The following MROH2A variants were observed in gnomAD, a reference collection of about 807,000 sequenced individuals.
MROH2A encodes the protein maestro heat like repeat family member 2A, also known as maestro heat-like repeat-containing protein family member 2A.
Under a neutral mutation model 200.4 loss-of-function variants are expected in MROH2A, and 174 were observed. The ratio of observed to expected loss-of-function variants is 0.87; its 90% CI spans 0.77 to 0.98. The LOEUF (loss-of-function observed/expected upper bound fraction) is 0.98. MROH2A is among the 50% of genes least tolerant of loss of function. The probability of loss-of-function intolerance (pLI) is 0.00; values close to 1 mark genes in which losing one functional copy is unlikely to be tolerated. For missense variants in MROH2A, 2,045 were observed against 2,139.6 expected (o/e 0.96, Z 0.87); for synonymous variants, 829 against 840.4 (o/e 0.99, Z 0.23).
upstream of MROH2A, among the ~76,000 whole-genome samples, chr2:233,778,158 C>G (rs1003760829): frequency 4.6e-5 from 7 of 152,298 alleles, 1 homozygote; most frequent in South Asian, 1.5e-3. Context: ...ATGTGAATAA[C>G]AGAAATGTTG....
intron 7 of MROH2A, 97 bp downstream of exon 7, chr2:233,793,921 C>A: frequency 3.3e-6 from 4 of 1,216,338 alleles, no homozygotes; most frequent in Non-Finnish European, 4.3e-6. Context: ...CGGGTCCACA[C>A]TTACTCCCAG....
At chr2:233,808,421 G>A (rs1366765757) in intron 21 of MROH2A, among the ~76,000 whole-genome samples, 1 of 152,196 alleles carries the variant, frequency 6.6e-6, no homozygotes, top group African/African-American at 2.4e-5. Context: ...ACAGGAGATG[G>A]TCCCACCAGC....
intron 26 of MROH2A, 42 bp downstream of exon 26, chr2:233,814,719 C>A: frequency 7.2e-7 from 1 of 1,396,000 alleles, no homozygotes; most frequent in Non-Finnish European, 9.9e-7. Flanking sequence ...GATGGCCACT[C>A]CTCCCCAGAA....
intron 37 of MROH2A, 99 bp downstream of exon 37, chr2:233,829,171 G>A (rs187131211): frequency 1.7e-6 from 2 of 1,170,244 alleles, no homozygotes; most frequent in East Asian, 2.6e-5. Context: ...AAGAGCCGAG[G>A]CTCCTGCTGG....
chr2:233,823,605 G>T lies in MROH2A; in HGVS notation c.4054G>T (p.Val1352Leu). Residue 1352 changes from valine (V) to leucine (L), a missense_variant, in exon 35 of 42, where the codon GTG becomes TTG. This residue lies in a region of MROH2A where 1,201 missense variants were observed against 1,311.3 expected (regional missense o/e 0.92). Coordinates refer to ENST00000389758, the MANE Select transcript of MROH2A (RefSeq NM_001394639.1). ...CCACAGGCAGAGGCTGGCCGAGCTG[G>T]TGCTCAGGGGCATGGACTCAGAAGT... The part of the protein sequence containing the change: ...EGHRQRLAEL[V>L]LRGMDSEVLS... 1 of 1,550,428 alleles carries T rather than the reference G, an allele frequency of 6.4e-7. No homozygotes were observed. Among genetic ancestry groups the T allele is most frequent in the Non-Finnish European group, 8.7e-7 (1 of 1,146,978 alleles).
chr2:233,803,909 C>A, intron 16 of MROH2A, 142 bp from the exon 17 acceptor site: 1 of 1,108,174 alleles, frequency 9.0e-7, no homozygotes, highest in Non-Finnish European at 1.3e-6. Flanking sequence ...GTGTCCTCTG[C>A]AGGTGCACTC....
chr2:233,821,568 C>A (rs1157525715), intron 31 of MROH2A, among the ~76,000 whole-genome samples: 1 of 152,224 alleles, frequency 6.6e-6, no homozygotes, highest in Admixed American at 6.5e-5. Flanking sequence ...GCTCTCTGTG[C>A]CTCTGTACCT....
chr2:233,804,660 G>A, intron 18 of MROH2A, 113 bp downstream of exon 18: 1 of 923,062 alleles, frequency 1.1e-6, no homozygotes, highest in Non-Finnish European at 1.7e-6. Context: ...TAAAGGACAT[G>A]TTCTCCTTCT....
At chr2:233,804,226 C>A (rs1702652841) in intron 17 of MROH2A, 34 bp downstream of exon 17, 1 of 1,548,866 alleles carries the variant, frequency 6.5e-7, no homozygotes, top group African/African-American at 1.4e-5. Context: ...CCAAGCCAAC[C>A]CTCCAATCCG....
At chr2:233,819,781 C>A in intron 30 of MROH2A, 121 bp from the exon 31 acceptor site, 2 of 1,133,764 alleles carry the variant, frequency 1.8e-6, no homozygotes, top group Admixed American at 3.0e-5. Context: ...GGGTGCTGGG[C>A]GCTTAACCTC....
In MROH2A at chr2:233,810,796, C is replaced by A. The variant is rs778385010; in HGVS notation, c.2451C>A (p.Asp817Glu). The change falls in exon 23 of 42, where the codon GAC becomes GAA. Residue 817 changes from aspartate to glutamate, a missense_variant and splice_region_variant. Physicochemically the swap from Asp to Glu is conservative, Grantham distance 45. Transcript: ENST00000389758. Reference protein sequence around the residue: ...IIHHYVSSCQDICLKMAFMKS... With the variant: ...IIHHYVSSCQEICLKMAFMKS... ...TCCTTTTCCCCTTCTGGGCTCAGGA[C>A]ATCTGTCTCAAAATGGCCTTCATGA... 6.5e-6 allele frequency: 10 copies of A among 1,550,144 alleles called. No homozygotes were observed. The South Asian group carries it at 1.1e-4, about 17-fold the overall frequency.
chr2:233,789,564 T>C lies in MROH2A; in HGVS notation c.344T>C (p.Leu115Pro). The C allele has an allele frequency of 6.7e-7, 1 of 1,494,586 alleles. No homozygotes were observed. The highest frequency in any genetic ancestry group is 8.9e-7 in the Non-Finnish European group (1 of 1,120,978). The allele number at this position is 1,494,586 out of a possible 1,614,324, so 92.6% of individuals were successfully genotyped here. The change falls in exon 4 of 42, where the codon CTG becomes CCG. Residue 115 changes from leucine to proline, a missense_variant. Leu to Pro is a moderately conservative substitution (Grantham distance 98). Transcript: ENST00000389758. ...LQDIIQQEGE[L>P]EEQCVQRLVA... ...GACATCATCCAGCAGGAGGGGGAGCTGGAGGAGCAGTGCGTGCAGAGGCTG... is the reference window on the plus strand; with the variant it reads ...GACATCATCCAGCAGGAGGGGGAGCCGGAGGAGCAGTGCGTGCAGAGGCTG...
At position 233,807,662 on chromosome 2, in the gene MROH2A, CGTGT is replaced by C; in HGVS notation, c.2173-63_2173-60del. ...TGTGTACATGTGTGTGTGCCTTGCA[CGTGT>C]GTGTGTGGGATCCTCCTCTGCCCAC... On this transcript the variant is annotated intron_variant, in intron 20 of 41. Transcript: ENST00000389758. The surrounding 1 kb of genome is among the most constrained non-coding windows in gnomAD (Gnocchi z 4.3). The C allele has an allele frequency of 6.5e-7, 1 of 1,547,028 alleles. No individual in the cohort carries two copies. Among genetic ancestry groups the C allele is most frequent in the African/African-American group, 1.4e-5 (1 of 73,106 alleles).
chr2:233,832,382 AAGCT>A, intron 40 of MROH2A, 103 bp downstream of exon 40: 15 of 1,104,888 alleles, frequency 1.4e-5, no homozygotes, highest in Non-Finnish European at 2.0e-5. Context: ...GGCATGTGGC[AAGCT>A]GAGACCAGAG....
rs1702516705 is a variant in MROH2A, at chr2:233,802,191, C to T, written c.1584C>T (p.Cys528=). The T allele has an allele frequency of 2.1e-5, 33 of 1,550,154 alleles. No homozygotes were observed. Among genetic ancestry groups the T allele is most frequent in the Non-Finnish European group, 2.8e-5 (32 of 1,146,810 alleles). Residue 528 remains cysteine, a synonymous_variant, in exon 15 of 42, where the codon TGC becomes TGT. Transcript: ENST00000389758. The stretch of plus-strand genomic sequence containing the variant: ...AGGAGTTTTGGGTGAGGCTGCTGTG[C>T]TACATCATGGAGACAGACTACGTGG... The part of the protein sequence containing the change: ...MTTEFWVRLL[C]YIMETDYVEA...
At chr2:233,788,013 A>C (rs1461242875) in intron 3 of MROH2A, among the ~76,000 whole-genome samples, 1 of 71,390 alleles carries the variant, frequency 1.4e-5, no homozygotes, top group East Asian at 4.6e-4. Flanking sequence ...ATACATATAT[A>C]TTATATATAC....
chr2:233,821,770 TACCGACAACCA>T (rs1219268660), intron 31 of MROH2A, among the ~76,000 whole-genome samples: 2 of 152,038 alleles, frequency 1.3e-5, no homozygotes, highest in African/African-American at 2.4e-5. Context: ...ATCAGAAAGC[TACCGACAACCA>T]ACCTGATGCA....
Position 233,805,032 on chromosome 2 carries a change from G to A in MROH2A, c.1973G>A (p.Arg658Gln), listed in dbSNP as rs1201608726. The A allele has an allele frequency of 1.9e-6, 3 of 1,549,948 alleles. No individual in the cohort carries two copies. The highest frequency in any genetic ancestry group is 2.4e-5 in the East Asian group (1 of 40,886). ...QFLRNSLKKTRGSSWSLRLSK... is the reference protein window; with the variant it reads ...QFLRNSLKKTQGSSWSLRLSK... ...CTGCGAAACTCCCTCAAGAAGACCC[G>A]GGGGTCTAGCTGGAGCCTGCGCTTG... Residue 658 changes from arginine (R) to glutamine (Q), a missense_variant, in exon 19 of 42, where the codon CGG (arginine) becomes CAG (glutamine). Physicochemically the swap from Arg to Gln is conservative, Grantham distance 43. This residue lies in a region of MROH2A where 1,201 missense variants were observed against 1,311.3 expected (regional missense o/e 0.92). Transcript: ENST00000389758.
upstream of MROH2A, among the ~76,000 whole-genome samples, chr2:233,776,261 C>T (rs191991727): frequency 1.7e-3 from 254 of 151,896 alleles, no homozygotes; most frequent in African/African-American, 5.8e-3. Flanking sequence ...AGTGGTGCAA[C>T]GTGCCATAGA....
Sources: gnomAD v4.1 joint callset for allele counts (sites outside exome capture counted in the v4.1 genomes callset) on GRCh38, gnomAD v4.1.1 for gene constraint, gnomAD v4.1.1 regional missense constraint, Gnocchi (gnomAD v3.1) non-coding constraint, MANE v1.5 for transcripts, NCBI Gene and HGNC (gene_info 2026-07-23, HGNC 2026-07-21) for gene names.